NYNRIN: variants seen among roughly 807,000 people sequenced by gnomAD.
NYNRIN encodes the protein protein NYNRIN.
In NYNRIN, 86 loss-of-function variants were observed where a neutral mutation model predicts 146.6. The ratio of observed to expected loss-of-function variants is 0.59; its 90% CI spans 0.49 to 0.70. The LOEUF is 0.70. NYNRIN is among the 30% of genes least tolerant of loss of function. The probability of loss-of-function intolerance (pLI) is 0.00; values close to 1 mark genes in which losing one functional copy is unlikely to be tolerated. For synonymous variants in NYNRIN, 1,027 were observed against 1,001.3 expected, an observed-to-expected ratio of 1.03 and a Z score of -0.48; for missense variants, 2,191 against 2,377.7, an observed-to-expected ratio of 0.92 and a Z score of 1.63.
In NYNRIN at chr14:24,414,712, A is replaced by G. The variant is rs146414871; in HGVS notation, c.2963A>G (p.Asn988Ser). The G allele has an allele frequency of 3.5e-4, 572 of 1,613,666 alleles. 3 individuals carry two copies. The East Asian group carries it at 0.011, about 31-fold the overall frequency. The change falls in exon 9 of 9, where the codon AAT (asparagine) becomes AGT (serine). Residue 988 changes from asparagine (N) to serine (S), a missense_variant. This residue lies in a region of NYNRIN where 1,291 missense variants were observed against 1,417.0 expected (regional missense o/e 0.91). Coordinates refer to ENST00000382554, the MANE Select transcript of NYNRIN (RefSeq NM_025081.3). Reference protein sequence around the residue: ...ADSGPLESLPNMEEVREEKEE... With the variant: ...ADSGPLESLPSMEEVREEKEE... ...TCTGGGCCCCTGGAGAGTCTGCCGA[A>G]TATGGAAGAAGTCAGGGAAGAGAAG... is the stretch of plus-strand genomic sequence containing the variant.
In NYNRIN at chr14:24,411,353, G is replaced by T; in HGVS notation, c.2546-1G>T. Reference sequence around the variant, plus strand: ...TTCTGTCTTCTGCCTTTCACCCCCAGAGAGCCACTTTCTGACGAAGCTACA... The same window carrying T: ...TTCTGTCTTCTGCCTTTCACCCCCATAGAGCCACTTTCTGACGAAGCTACA... On this transcript the variant is annotated splice_acceptor_variant, in intron 5 of 8. Transcript: ENST00000382554. LOFTEE classifies it high-confidence loss of function. This position sits in a 1 kb window ranked among gnomAD's most constrained non-coding sequence, Gnocchi z 4.3. 4.3e-6 allele frequency: 7 copies of T among 1,613,922 alleles called. No individual in the cohort carries two copies. The highest frequency in any genetic ancestry group is 5.9e-6 in the Non-Finnish European group (7 of 1,179,876).
chr14:24,403,369 GC>G (rs1236939851), intron 2 of NYNRIN, among the ~76,000 whole-genome samples: 2 of 152,030 alleles, frequency 1.3e-5, no homozygotes, highest in African/African-American at 4.8e-5. Context: ...TTTTTTCTTG[GC>G]GCCGTCTCTC....
Position 24,410,291 on chromosome 14 carries a change from C to T in NYNRIN, c.2414+83C>T. On this transcript the variant is annotated intron_variant, in intron 4 of 8. Coordinates refer to ENST00000382554, the MANE Select transcript of NYNRIN (RefSeq NM_025081.3). ...CCCTGGGGGACAGAATGTGGGCATCCCTTCCCAACCTTCCTATGGGCGACA... is the reference window on the plus strand; with the variant it reads ...CCCTGGGGGACAGAATGTGGGCATCTCTTCCCAACCTTCCTATGGGCGACA... 3.7e-6 allele frequency: 4 copies of T among 1,089,270 alleles called. No individual in the cohort carries two copies. The South Asian group carries it at 4.6e-5, about 12-fold the overall frequency. 67.5% of individuals were successfully genotyped at this position (1,089,270 alleles called of 1,614,324 possible). A position where few individuals can be genotyped will look rare whatever the true frequency, so the allele number is the denominator to read the frequency against.
At chr14:24,402,893 C>T (rs1481161394) in intron 2 of NYNRIN, among the ~76,000 whole-genome samples, 1 of 152,212 alleles carries the variant, frequency 6.6e-6, no homozygotes, top group East Asian at 1.9e-4. Flanking sequence ...CTGCCCCGGC[C>T]CTCCCAATTC....
At chr14:24,408,557 C>A in intron 3 of NYNRIN, 30 bp downstream of exon 3, 2 of 1,544,602 alleles carry the variant, frequency 1.3e-6, no homozygotes, top group South Asian at 1.3e-5. Flanking sequence ...CCTGGCTTCT[C>A]TGATCCTACC....
At position 24,409,945 on chromosome 14, in the gene NYNRIN, G is replaced by A; in HGVS notation, c.2151G>A (p.Gln717=). The A allele has an allele frequency of 6.2e-7, 1 of 1,613,756 alleles. No individual in the cohort carries two copies. The highest frequency in any genetic ancestry group is 8.5e-7 in the Non-Finnish European group (1 of 1,179,780). Residue 717 remains glutamine (Q), a synonymous_variant, in exon 4 of 9, where the codon CAG becomes CAA. Coordinates refer to ENST00000382554, the MANE Select transcript of NYNRIN (RefSeq NM_025081.3). ...CTAGTGTCTCCTTACTGAAGGGCCA[G>A]GGGCAGGCTGGAAGGCAGGGTCCCC... is the stretch of plus-strand genomic sequence containing the variant. ...SRASVSLLKG[Q]GQAGRQGPQS... is the part of the protein sequence containing the mutation.
At position 24,409,899 on chromosome 14, in the gene NYNRIN, AG is replaced by A; in HGVS notation, c.2107del (p.Val703SerfsTer12). The A allele has an allele frequency of 6.2e-7, 1 of 1,613,580 alleles. No individual in the cohort carries two copies. Among genetic ancestry groups the A allele is most frequent in the Non-Finnish European group, 8.5e-7 (1 of 1,179,722 alleles). On this transcript the variant is annotated frameshift_variant, in exon 4 of 9. Coordinates refer to ENST00000382554, the MANE Select transcript of NYNRIN (RefSeq NM_025081.3). LOFTEE classifies it high-confidence loss of function. Reference protein sequence around the residue: ...PTLDVARLLSEVQPTSRASVS... With the variant: ...PTLDVARLLSXVQPTSRASVS... ...TTGGATGTAGCCAGACTTCTGAGTGAGGTCCAGCCTACATCAAGGGCTAGTG... is the reference window on the plus strand; with the variant it reads ...TTGGATGTAGCCAGACTTCTGAGTGAGTCCAGCCTACATCAAGGGCTAGTG...
Position 24,408,332 on chromosome 14 carries a change from T to A in NYNRIN, c.662T>A (p.Leu221Gln). Reference protein sequence around the residue: ...ISDSHSDPEVLICPPQQQKEA... With the variant: ...ISDSHSDPEVQICPPQQQKEA... ...GACTCCCACTCCGATCCGGAGGTTC[T>A]AATCTGCCCTCCCCAGCAGCAGAAG... Residue 221 changes from leucine to glutamine, a missense_variant, in exon 3 of 9, where the codon CTA (leucine) becomes CAA (glutamine). Physicochemically the swap from Leu to Gln is moderately radical, Grantham distance 113. Coordinates refer to ENST00000382554, the MANE Select transcript of NYNRIN (RefSeq NM_025081.3). 6.2e-7 allele frequency: 1 copy of A among 1,613,790 alleles called. No individual in the cohort carries two copies. Among genetic ancestry groups the A allele is most frequent in the Non-Finnish European group, 8.5e-7 (1 of 1,179,892 alleles).
At chr14:24,407,846 T>C in intron 2 of NYNRIN, 23 bp from the exon 3 acceptor site, 1 of 1,569,186 alleles carries the variant, frequency 6.4e-7, no homozygotes, top group Non-Finnish European at 8.6e-7. Flanking sequence ...CTGACTTCAT[T>C]GTGTTCTCCC....
chr14:24,410,848 C>T (rs767553927), intron 4 of NYNRIN, among the ~76,000 whole-genome samples: 2 of 152,202 alleles, frequency 1.3e-5, no homozygotes, highest in African/African-American at 4.8e-5. Context: ...TACACACATG[C>T]GTACACACAG....
In NYNRIN at chr14:24,409,408, A is replaced by G; in HGVS notation, c.1614A>G (p.Gln538=). ...GLTDQSVPGA[Q]TVPETLKVPM... Reference sequence around the variant, plus strand: ...CAGATCAGTCAGTACCTGGAGCTCAAACAGTGCCTGAAACTCTCAAAGTGC... The same window carrying G: ...CAGATCAGTCAGTACCTGGAGCTCAGACAGTGCCTGAAACTCTCAAAGTGC... Residue 538 remains glutamine (Q), a synonymous_variant, in exon 4 of 9, where the codon CAA becomes CAG. Coordinates refer to ENST00000382554, the MANE Select transcript of NYNRIN (RefSeq NM_025081.3). 1.2e-6 allele frequency: 2 copies of G among 1,614,038 alleles called. No individual in the cohort carries two copies. The highest frequency in any genetic ancestry group is 1.7e-6 in the Non-Finnish European group (2 of 1,179,894).
chr14:24,413,694 T>C (rs558181755), intron 8 of NYNRIN, among the ~76,000 whole-genome samples: 1 of 152,358 alleles, frequency 6.6e-6, no homozygotes, highest in East Asian at 1.9e-4. Flanking sequence ...TTTTCAGATG[T>C]ATCCTATGCT....
intron 4 of NYNRIN, 105 bp from the exon 5 acceptor site, chr14:24,410,971 C>T (rs2042909131): frequency 1.5e-6 from 2 of 1,352,750 alleles, no homozygotes; most frequent in Non-Finnish European, 2.1e-6. Context: ...GGGGAGAGGG[C>T]ATCATTGGTG....
intron 2 of NYNRIN, among the ~76,000 whole-genome samples, chr14:24,401,438 C>G (rs1039497298): frequency 1.4e-5 from 2 of 146,742 alleles, no homozygotes; most frequent in Admixed American, 6.8e-5. Flanking sequence ...AGGTGAGGGG[C>G]GGGGGGGGTT....
rs756862512 is a variant in NYNRIN, at chr14:24,410,207, G to A, written c.2413G>A (p.Val805Met). The A allele has an allele frequency of 1.3e-6, 2 of 1,588,742 alleles. No individual in the cohort carries two copies. Among genetic ancestry groups the A allele is most frequent in the Non-Finnish European group, 8.6e-7 (1 of 1,164,122 alleles). ...CATCGATGGCAGCAGTGTGGCCATG[G>A]TGTGAGTAGTCACGGGCGTGGGGTG... is the stretch of plus-strand genomic sequence containing the variant. ...VVIDGSSVAM[V>M]HGLQHFFSCR... The change falls in exon 4 of 9, where the codon GTG becomes ATG. Residue 805 changes from valine to methionine, a missense_variant and splice_region_variant. This residue lies in a region of NYNRIN where 1,291 missense variants were observed against 1,417.0 expected (regional missense o/e 0.91). Transcript: ENST00000382554.
intron 1 of NYNRIN, 28 bp downstream of exon 1, chr14:24,399,114 G>T: frequency 3.7e-6 from 3 of 814,490 alleles, no homozygotes. Context: ...GAGGAAGGAG[G>T]CCGTGCGGGG....
intron 2 of NYNRIN, among the ~76,000 whole-genome samples, chr14:24,403,469 C>T (rs1422069888): frequency 2.0e-5 from 3 of 152,172 alleles, no homozygotes; most frequent in African/African-American, 7.2e-5. Flanking sequence ...ATGTCCTGGA[C>T]CTTGAAACTT....
At position 24,418,033 on chromosome 14, in the gene NYNRIN, C is replaced by G. The variant is rs11627882; in HGVS notation, c.*587C>G. On this transcript the variant is annotated 3_prime_UTR_variant, in exon 9 of 9. Transcript: ENST00000382554. The stretch of plus-strand genomic sequence containing the variant: ...CAAGCCAGGTGTGGCCTGCACAGCT[C>G]TCAGGGCAGGGCTGGCCATCCTCCC... The G allele has an allele frequency of 0.95, 304,475 of 319,060 alleles. 145,552 individuals carry two copies. Among genetic ancestry groups the G allele is most frequent in the Admixed American group, 0.98 (21,042 of 21,574 alleles). 19.8% of individuals were successfully genotyped at this position (319,060 alleles called of 1,614,324 possible).
Position 24,418,353 on chromosome 14 carries a change from T to C in NYNRIN, c.*907T>C, listed in dbSNP as rs1037555792. On this transcript the variant is annotated 3_prime_UTR_variant, in exon 9 of 9. Coordinates refer to ENST00000382554, the MANE Select transcript of NYNRIN (RefSeq NM_025081.3). ...AGTGGCACACGGTGAAGTGCTGGCA[T>C]GGCTCTACCTCCCAACCCCTCCCAA... 1.1e-5 allele frequency: 5 copies of C among 450,090 alleles called. No individual in the cohort carries two copies. The highest frequency in any genetic ancestry group is 4.0e-5 in the African/African-American group (2 of 49,836). The allele number at this position is 450,090 out of a possible 1,614,324, so 27.9% of individuals were successfully genotyped here.
Sources: allele counts gnomAD v4.1 joint callset (sites outside exome capture counted in the v4.1 genomes callset), GRCh38; gene constraint gnomAD v4.1.1; regional missense constraint gnomAD v4.1.1; non-coding constraint Gnocchi (gnomAD v3.1); transcripts MANE v1.5; gene names NCBI Gene and HGNC (gene_info 2026-07-23, HGNC 2026-07-21).